DCC: variants seen among roughly 807,000 people sequenced by gnomAD.
DCC encodes the protein netrin receptor DCC.
DCC carries 58 observed loss-of-function variants against 172.5 expected under a neutral mutation model. That is an observed-to-expected ratio of 0.34 (90% CI 0.27 to 0.42). The LOEUF is 0.42. Ranked by LOEUF, DCC falls within the 10% of genes least tolerant of loss-of-function variation. The probability of loss-of-function intolerance (pLI) is 1.00; values close to 1 mark genes in which losing one functional copy is unlikely to be tolerated. For missense variants in DCC, 1,740 were observed against 1,791.0 expected (o/e 0.97, Z 0.51); for synonymous variants, 709 against 644.5 (o/e 1.10, Z -1.52).
At chr18:52,924,263 C>A (rs942011419) in intron 4 of DCC, among the ~76,000 whole-genome samples, 10 of 152,094 alleles carry the variant, frequency 6.6e-5, no homozygotes, top group Non-Finnish European at 1.3e-4. Context: ...CTGTGATAAT[C>A]ATTTCACAAT....
intron 12 of DCC, among the ~76,000 whole-genome samples, chr18:53,247,884 A>C (rs568834982): frequency 6.6e-6 from 1 of 152,030 alleles, no homozygotes; most frequent in African/African-American, 2.4e-5. Flanking sequence ...TTTAGCCCTA[A>C]GTCTAAGTGC....
intron 1 of DCC, among the ~76,000 whole-genome samples, chr18:52,437,564 G>C (rs1015505624): frequency 6.6e-6 from 1 of 152,136 alleles, no homozygotes; most frequent in African/African-American, 2.4e-5. Flanking sequence ...TTAAAGATAG[G>C]GGCGCATATT....
chr18:53,312,894 G>T (rs911960266), intron 13 of DCC, among the ~76,000 whole-genome samples: 4 of 112,798 alleles, frequency 3.5e-5, no homozygotes, highest in South Asian at 2.8e-4. Flanking sequence ...GGGAAAGGGA[G>T]GGGAGAGGAG....
chr18:52,342,280 C>CGTGTGTGT (rs10535247), intron 1 of DCC, among the ~76,000 whole-genome samples: 1 of 150,304 alleles, frequency 6.7e-6, no homozygotes. Context: ...TGTGTGTGTG[C>CGTGTGTGT]GTGTGTGTGT....
intron 2 of DCC, among the ~76,000 whole-genome samples, chr18:52,755,386 A>G (rs1178049181): frequency 6.6e-6 from 1 of 152,206 alleles, no homozygotes; most frequent in African/African-American, 2.4e-5. Context: ...CTTCGCTGTG[A>G]GATATTAAAA....
At chr18:53,095,453 A>C (rs908910673) in intron 7 of DCC, among the ~76,000 whole-genome samples, 6 of 152,348 alleles carry the variant, frequency 3.9e-5, no homozygotes, top group African/African-American at 1.4e-4. Flanking sequence ...TTGCTGCTGT[A>C]ACATATTACC....
chr18:52,746,162 T>G (rs2036903089), intron 1 of DCC, among the ~76,000 whole-genome samples: 1 of 152,226 alleles, frequency 6.6e-6, no homozygotes, highest in South Asian at 2.1e-4. Flanking sequence ...TGGAGGTCTC[T>G]TTATTTGTCT....
intron 12 of DCC, among the ~76,000 whole-genome samples, chr18:53,255,073 T>G (rs1311523486): frequency 1.3e-5 from 2 of 152,112 alleles, no homozygotes; most frequent in East Asian, 3.9e-4. Context: ...CTGAAAGTGC[T>G]TTCCTGTTGA....
At chr18:53,173,424 C>T (rs2055043227) in intron 8 of DCC, among the ~76,000 whole-genome samples, 1 of 152,056 alleles carries the variant, frequency 6.6e-6, no homozygotes, top group South Asian at 2.1e-4. Context: ...GTGTACAGTT[C>T]TATGGTATTA....
chr18:52,793,247 T>C (rs1371893261), intron 2 of DCC, among the ~76,000 whole-genome samples: 1 of 152,192 alleles, frequency 6.6e-6, no homozygotes, highest in Non-Finnish European at 1.5e-5. Flanking sequence ...TTCTTTATTG[T>C]ACAAGTGGCT....
intron 5 of DCC, among the ~76,000 whole-genome samples, chr18:53,007,051 TA>T (rs1342683213): frequency 6.6e-6 from 1 of 152,124 alleles, no homozygotes. Flanking sequence ...CATGAAGATT[TA>T]AAAAACAAAT....
intron 5 of DCC, among the ~76,000 whole-genome samples, chr18:52,988,657 ATTTTAC>A (rs1312916725): frequency 1.3e-5 from 2 of 152,020 alleles, no homozygotes; most frequent in Non-Finnish European, 2.9e-5. Context: ...CTATTAGTTT[ATTTTAC>A]TTCTGTTTAT....
chr18:52,910,695 C>G (rs1406128494), intron 3 of DCC, among the ~76,000 whole-genome samples: 5 of 152,108 alleles, frequency 3.3e-5, no homozygotes, highest in South Asian at 2.1e-4. Flanking sequence ...ACTAGACTGA[C>G]TACAATTACT....
At chr18:52,640,295 G>A (rs1460081776) in intron 1 of DCC, among the ~76,000 whole-genome samples, 7 of 151,980 alleles carry the variant, frequency 4.6e-5, no homozygotes, top group Admixed American at 2.0e-4. Flanking sequence ...TCTGAGAACT[G>A]GAACAAGACA....
At chr18:52,545,769 T>A (rs570902777) in intron 1 of DCC, among the ~76,000 whole-genome samples, 1 of 152,284 alleles carries the variant, frequency 6.6e-6, no homozygotes, top group African/African-American at 2.4e-5. Context: ...TTTCTCACTT[T>A]ATGTGTTAGC....
intron 12 of DCC, among the ~76,000 whole-genome samples, chr18:53,244,262 A>G (rs1051494941): frequency 2.6e-5 from 4 of 152,136 alleles, no homozygotes; most frequent in Admixed American, 1.3e-4. Context: ...AGAAGGGATG[A>G]TGCTCTACTT....
intron 26 of DCC, among the ~76,000 whole-genome samples, chr18:53,495,878 A>G (rs914959648): frequency 1.3e-5 from 2 of 152,108 alleles, no homozygotes; most frequent in Non-Finnish European, 2.9e-5. Flanking sequence ...AATCTCTGAT[A>G]TCCTTTCTTC....
At chr18:52,495,305 C>T (rs529943368) in intron 1 of DCC, among the ~76,000 whole-genome samples, 2 of 152,194 alleles carry the variant, frequency 1.3e-5, no homozygotes, top group African/African-American at 4.8e-5. Flanking sequence ...TTCAAGTCTT[C>T]GTTTTTGTCT....
intron 1 of DCC, among the ~76,000 whole-genome samples, chr18:52,681,035 G>C (rs775769176): frequency 6.1e-4 from 93 of 151,938 alleles, no homozygotes; most frequent in Admixed American, 6.6e-4. Context: ...TGGTGGGGTC[G>C]GCATTTATTA....
Sources: gnomAD v4.1 joint callset for allele counts (sites outside exome capture counted in the v4.1 genomes callset) on GRCh38, gnomAD v4.1.1 for gene constraint, MANE v1.5 for transcripts, NCBI Gene and HGNC (gene_info 2026-07-23, HGNC 2026-07-21) for gene names.